The following SGCZ variants were observed in gnomAD, a reference collection of about 807,000 sequenced individuals.
SGCZ encodes zeta-sarcoglycan.
A neutral mutation model predicts 41.3 loss-of-function variants in SGCZ; 40 were observed. The ratio of observed to expected loss-of-function variants is 0.97; its 90% confidence interval spans 0.75 to 1.26. The LOEUF (loss-of-function observed/expected upper bound fraction) is 1.26, where lower values mean the gene tolerates loss of function less well. Among genes scored for constraint, SGCZ ranks in the 50% most tolerant of loss-of-function variants. The probability of loss-of-function intolerance (pLI) is 0.00; values close to 1 mark genes in which losing one functional copy is unlikely to be tolerated. For synonymous variants in SGCZ, 206 were observed against 137.5 expected, an observed-to-expected ratio of 1.50 and a Z score of -3.49; for missense variants, 552 against 369.8, an observed-to-expected ratio of 1.49 and a Z score of -4.04.
At chr8:14,854,354 G>C (rs557048988) in intron 1 of SGCZ, among the ~76,000 whole-genome samples, 1 of 151,586 alleles carries the variant, frequency 6.6e-6, no homozygotes, top group Non-Finnish European at 1.5e-5. Context: ...ATAATACATA[G>C]ACATATCAAA....
chr8:14,910,855 T>C (rs1799261657), intron 1 of SGCZ, among the ~76,000 whole-genome samples: 1 of 151,976 alleles, frequency 6.6e-6, no homozygotes, highest in African/African-American at 2.4e-5. Flanking sequence ...CAGATGGCTT[T>C]TTCAGAAGCA....
intron 1 of SGCZ, among the ~76,000 whole-genome samples, chr8:14,765,721 C>G (rs1020719586): frequency 2.0e-5 from 3 of 152,112 alleles, no homozygotes; most frequent in Admixed American, 2.0e-4. Flanking sequence ...ATGACAAACG[C>G]TAACAGAAAT....
At chr8:14,534,521 G>A (rs1803235241) in intron 2 of SGCZ, among the ~76,000 whole-genome samples, 1 of 151,906 alleles carries the variant, frequency 6.6e-6, no homozygotes, top group Admixed American at 6.6e-5. Context: ...TATATGAGGA[G>A]CATTTTACAG....
intron 2 of SGCZ, among the ~76,000 whole-genome samples, chr8:14,424,802 C>T (rs1211490533): frequency 6.6e-6 from 1 of 152,116 alleles, no homozygotes; most frequent in African/African-American, 2.4e-5. Context: ...CTAACTCTTC[C>T]TTCATTTATC....
intron 3 of SGCZ, among the ~76,000 whole-genome samples, chr8:14,242,167 A>C (rs1798914747): frequency 6.6e-6 from 1 of 152,188 alleles, no homozygotes; most frequent in Admixed American, 6.5e-5. Flanking sequence ...AAGCATTAGT[A>C]ATATTGTTGA....
At chr8:14,091,663 G>C (rs1378584065) in intron 7 of SGCZ, among the ~76,000 whole-genome samples, 1 of 151,984 alleles carries the variant, frequency 6.6e-6, no homozygotes, top group Non-Finnish European at 1.5e-5. Context: ...CCCACTTTTT[G>C]ATGGAATTGT....
chr8:14,719,816 C>T (rs1809821045), intron 1 of SGCZ, among the ~76,000 whole-genome samples: 1 of 151,914 alleles, frequency 6.6e-6, no homozygotes, highest in Non-Finnish European at 1.5e-5. Context: ...CCTGTTCACT[C>T]TGATGGTAGT....
chr8:14,322,110 G>T (rs890313538), intron 3 of SGCZ, among the ~76,000 whole-genome samples: 1 of 152,070 alleles, frequency 6.6e-6, no homozygotes. Flanking sequence ...CACTGTGGAA[G>T]GCAGTCTGGA....
intron 7 of SGCZ, among the ~76,000 whole-genome samples, chr8:14,098,937 T>TAA (rs1208530878): frequency 6.6e-6 from 1 of 152,066 alleles, no homozygotes; most frequent in Non-Finnish European, 1.5e-5. Context: ...CCCATCCATT[T>TAA]AGGGGCTGCT....
chr8:14,380,937 T>A (rs1299620029), intron 2 of SGCZ, among the ~76,000 whole-genome samples: 1 of 152,186 alleles, frequency 6.6e-6, no homozygotes, highest in Non-Finnish European at 1.5e-5. Flanking sequence ...TTAATTCCAA[T>A]ATCCTGAGAT....
At chr8:14,704,299 A>AT (rs1234608360) in intron 1 of SGCZ, among the ~76,000 whole-genome samples, 1 of 151,888 alleles carries the variant, frequency 6.6e-6, no homozygotes, top group East Asian at 1.9e-4. Context: ...TAACATAGCT[A>AT]TTTTTTATCC....
At chr8:14,331,735 G>A (rs900545436) in intron 2 of SGCZ, among the ~76,000 whole-genome samples, 1 of 151,564 alleles carries the variant, frequency 6.6e-6, no homozygotes, top group South Asian at 2.1e-4. Flanking sequence ...CAGTTGTCAG[G>A]GTTATAAAAG....
intron 1 of SGCZ, among the ~76,000 whole-genome samples, chr8:14,873,694 A>G (rs1804247521): frequency 6.6e-6 from 1 of 152,156 alleles, no homozygotes; most frequent in Non-Finnish European, 1.5e-5. Flanking sequence ...GTCAACTCTC[A>G]TTGGAAGTCC....
At chr8:15,204,034 A>C (rs1800980893) in intron 1 of SGCZ, among the ~76,000 whole-genome samples, 1 of 152,224 alleles carries the variant, frequency 6.6e-6, no homozygotes, top group African/African-American at 2.4e-5. Context: ...ATATGAAATA[A>C]GAAAAATTTT....
At chr8:15,204,339 C>A (rs1053112999) in intron 1 of SGCZ, among the ~76,000 whole-genome samples, 1 of 152,024 alleles carries the variant, frequency 6.6e-6, no homozygotes, top group South Asian at 2.1e-4. Flanking sequence ...TTTTGACAAC[C>A]GTGTGTAGAA....
chr8:14,680,819 C>T (rs575031608), intron 1 of SGCZ, among the ~76,000 whole-genome samples: 1 of 151,714 alleles, frequency 6.6e-6, no homozygotes, highest in Non-Finnish European at 1.5e-5. Flanking sequence ...AATTAAACTC[C>T]CAAAGATGAA....
intron 1 of SGCZ, among the ~76,000 whole-genome samples, chr8:14,729,732 A>G (rs75826350): frequency 0.02 from 3,100 of 152,286 alleles, 77 homozygotes; most frequent in African/African-American, 0.054. Flanking sequence ...GCACTTGAAA[A>G]CTGATACATA....
intron 1 of SGCZ, among the ~76,000 whole-genome samples, chr8:15,224,742 T>TA (rs1801711834): frequency 6.6e-6 from 1 of 152,106 alleles, no homozygotes; most frequent in African/African-American, 2.4e-5. Flanking sequence ...AAAGAATACT[T>TA]ATGAGAAAAA....
intron 1 of SGCZ, among the ~76,000 whole-genome samples, chr8:14,821,968 A>G (rs920009741): frequency 1.1e-4 from 16 of 152,012 alleles, no homozygotes; most frequent in African/African-American, 3.4e-4. Context: ...AGCCAGGACA[A>G]TTAGGCAAGA....
Sources: allele counts gnomAD v4.1 joint callset (sites outside exome capture counted in the v4.1 genomes callset), GRCh38; gene constraint gnomAD v4.1.1; transcripts MANE v1.5; gene names NCBI Gene and HGNC (gene_info 2026-07-23, HGNC 2026-07-21).